Variants in TSC22D3 observed in about 807,000 individuals in gnomAD.
TSC22D3 encodes the protein TSC22 domain family member 3.
TSC22D3 carries 4 observed loss-of-function variants against 11.1 expected under a neutral mutation model. That is an observed-to-expected ratio of 0.36 (90% CI 0.18 to 0.83). The LOEUF (loss-of-function observed/expected upper bound fraction) is 0.83, where lower values mean the gene tolerates loss of function less well. Among genes scored for constraint, TSC22D3 ranks in the 40% least tolerant of loss-of-function variants. TSC22D3 has a pLI of 0.48. For missense variants in TSC22D3, 118 were observed against 159.4 expected, an observed-to-expected ratio of 0.74 and a Z score of 1.40; for synonymous variants, 77 against 70.3, an observed-to-expected ratio of 1.10 and a Z score of -0.48.
chrX:107,715,756 C>A (rs1569446465), intron 2 of TSC22D3, 143 bp downstream of exon 2: 1 of 688,372 alleles, frequency 1.5e-6, no homozygotes, highest in Non-Finnish European at 2.3e-6. Context: ...TCAGACTCCA[C>A]CTCCAGTGCG....
chrX:107,740,744 C>T (rs970213923), intron 1 of TSC22D3, among the ~76,000 whole-genome samples: 1 of 110,376 alleles, frequency 9.1e-6, no homozygotes, highest in African/African-American at 3.3e-5. Flanking sequence ...TCTTGGTAAC[C>T]CCCATAGCAA....
At position 107,745,763 on chromosome X, in the gene TSC22D3, G is replaced by A. The variant is rs968240918; in HGVS notation, c.320+29337C>T. ...TTAGGGTCATGTTTGCACTTCAATT[G>A]TCAGCTCCAAACATCCGTTTGTTTA... On this transcript the variant is annotated intron_variant, in intron 1 of 2. Transcript: ENST00000372383. Among the ~76,000 whole-genome samples the A allele has an allele frequency of 3.6e-5, 4 of 112,174 alleles. No individual in the cohort carries two copies. The East Asian group carries it at 1.1e-3, about 31-fold the overall frequency.
intron 1 of TSC22D3, among the ~76,000 whole-genome samples, chrX:107,773,659 T>C (rs1280979824): frequency 3.6e-5 from 4 of 112,035 alleles, no homozygotes; most frequent in Admixed American, 2.8e-4. Flanking sequence ...AGTGAAATAA[T>C]AGATGAGAAA....
chrX:107,742,533 CT>C (rs1773146351), intron 1 of TSC22D3, among the ~76,000 whole-genome samples: 1 of 111,104 alleles, frequency 9.0e-6, no homozygotes. Context: ...CCTGGAAGGC[CT>C]GGGAAATAGA....
At chrX:107,738,636 G>A (rs757150459) in intron 1 of TSC22D3, among the ~76,000 whole-genome samples, 2 of 113,321 alleles carry the variant, frequency 1.8e-5, no homozygotes, top group Admixed American at 9.2e-5. Context: ...GCCATATGGG[G>A]CATAGGGAGT....
chrX:107,752,237 T>A (rs1202794019), intron 1 of TSC22D3, among the ~76,000 whole-genome samples: 1 of 112,039 alleles, frequency 8.9e-6, no homozygotes, highest in Non-Finnish European at 1.9e-5. Flanking sequence ...GATTCCTCTA[T>A]CCAAGCTGAA....
intron 1 of TSC22D3, chrX:107,716,455 C>T (rs946233527): frequency 6.1e-6 from 6 of 988,350 alleles, no homozygotes; most frequent in Non-Finnish European, 7.6e-6. Flanking sequence ...GCTGCCTCTG[C>T]GGCTGCAGCA....
intron 1 of TSC22D3, among the ~76,000 whole-genome samples, chrX:107,721,282 G>C (rs1044773886): frequency 6.2e-5 from 7 of 112,171 alleles, no homozygotes; most frequent in African/African-American, 1.9e-4. Context: ...TGAAAGAAGT[G>C]CCTCAGCATT....
At position 107,730,599 on chromosome X, in the gene TSC22D3, A is replaced by G. The variant is rs987893257; in HGVS notation, c.321-14649T>C. ...CAGATTGTTTATGGGCAGCTGCTTGACCATTCTCAGGACAGGCCACTCAGT... is the reference window on the plus strand; with the variant it reads ...CAGATTGTTTATGGGCAGCTGCTTGGCCATTCTCAGGACAGGCCACTCAGT... On this transcript the variant is annotated intron_variant, in intron 1 of 2. Coordinates refer to ENST00000372383, the MANE Select transcript of TSC22D3 (RefSeq NM_198057.3). 5.4e-5 allele frequency among the ~76,000 whole-genome samples: 6 copies of G among 111,895 alleles called. No individual in the cohort carries two copies. In the South Asian group the frequency reaches 1.9e-3, roughly 35 times the overall value.
intron 1 of TSC22D3, among the ~76,000 whole-genome samples, chrX:107,740,480 G>T (rs1928351795): frequency 1.8e-5 from 2 of 111,766 alleles, no homozygotes; most frequent in Non-Finnish European, 3.8e-5. Context: ...TGCTCGGGAG[G>T]CTGAGGCAGG....
intron 1 of TSC22D3, among the ~76,000 whole-genome samples, chrX:107,738,011 A>G (rs768699158): frequency 8.9e-6 from 1 of 112,194 alleles, no homozygotes; most frequent in Non-Finnish European, 1.9e-5. Context: ...AACAAACACT[A>G]CATCCCAGAT....
intron 1 of TSC22D3, among the ~76,000 whole-genome samples, chrX:107,735,903 A>G (rs959749652): frequency 1.8e-5 from 2 of 111,924 alleles, no homozygotes; most frequent in Admixed American, 1.9e-4. Context: ...CAAAGAGATG[A>G]AAGGAACTCT....
At chrX:107,774,795 T>C in intron 1 of TSC22D3, 1 of 353,389 alleles carries the variant, frequency 2.8e-6, no homozygotes, top group Non-Finnish European at 4.9e-6. Context: ...TGGAAATGTA[T>C]GCATTTGAGG....
intron 1 of TSC22D3, among the ~76,000 whole-genome samples, chrX:107,758,094 G>A (rs1389794117): frequency 2.7e-5 from 3 of 110,069 alleles, no homozygotes; most frequent in African/African-American, 1.0e-4. Context: ...ATTGTTGAAA[G>A]AATGAACAGA....
intron 1 of TSC22D3, chrX:107,721,987 GA>G: frequency 2.4e-6 from 1 of 411,518 alleles, no homozygotes; most frequent in Non-Finnish European, 4.4e-6. Flanking sequence ...CTATAGACAG[GA>G]AGGCCACTGC....
chrX:107,757,977 G>A (rs923001168), intron 1 of TSC22D3, among the ~76,000 whole-genome samples: 2 of 111,308 alleles, frequency 1.8e-5, no homozygotes, highest in Non-Finnish European at 3.8e-5. Flanking sequence ...AGTGATCTGA[G>A]ATTGCACCAC....
intron 1 of TSC22D3, chrX:107,717,007 G>T: frequency 1.9e-6 from 2 of 1,032,659 alleles, no homozygotes. Flanking sequence ...GAAGTGACTC[G>T]AGGGGTGTCA....
At chrX:107,736,035 C>T (rs757521554) in intron 1 of TSC22D3, among the ~76,000 whole-genome samples, 1 of 111,981 alleles carries the variant, frequency 8.9e-6, no homozygotes, top group Non-Finnish European at 1.9e-5. Flanking sequence ...CTAACCAGGC[C>T]TGTGTAATTC....
chrX:107,718,903 G>A (rs1012256777), intron 1 of TSC22D3, among the ~76,000 whole-genome samples: 2 of 110,661 alleles, frequency 1.8e-5, no homozygotes, highest in Non-Finnish European at 3.8e-5. Context: ...TATACTTATG[G>A]GTCATCAAGA....
Sources: allele counts gnomAD v4.1 joint callset (sites outside exome capture counted in the v4.1 genomes callset), GRCh38; gene constraint gnomAD v4.1.1; transcripts MANE v1.5; gene names NCBI Gene and HGNC (gene_info 2026-07-23, HGNC 2026-07-21).